The following ZZEF1 variants were observed in gnomAD, a reference collection of about 807,000 sequenced individuals.
The protein encoded by ZZEF1 is zinc finger ZZ-type and EF-hand domain containing 1.
A neutral mutation model predicts 342.8 loss-of-function variants in ZZEF1; 157 were observed. That is an observed-to-expected ratio of 0.46 (90% CI 0.40 to 0.52). The LOEUF is 0.52. ZZEF1 is among the 20% of genes least tolerant of loss of function. The pLI, the probability that ZZEF1 is intolerant of heterozygous loss-of-function variation, is 0.00. For synonymous variants in ZZEF1, 1,505 were observed against 1,429.1 expected (o/e 1.05, Z -1.20); for missense variants, 3,480 against 3,725.6 (o/e 0.93, Z 1.72).
intron 16 of ZZEF1, 30 bp downstream of exon 16, chr17:4,085,639 AC>A (rs1429946018): frequency 1.9e-6 from 3 of 1,612,030 alleles, no homozygotes. Flanking sequence ...CAGACTTCAG[AC>A]ATTGAATCCA....
intron 11 of ZZEF1, among the ~76,000 whole-genome samples, chr17:4,091,208 C>T (rs1311604779): frequency 6.6e-6 from 1 of 152,148 alleles, no homozygotes; most frequent in Non-Finnish European, 1.5e-5. Flanking sequence ...GTTTTCTTTC[C>T]CTAGGTCTGG....
intron 11 of ZZEF1, among the ~76,000 whole-genome samples, chr17:4,092,369 G>GCTCA (rs2057962096): frequency 6.9e-6 from 1 of 145,204 alleles, no homozygotes; most frequent in Non-Finnish European, 1.5e-5. Context: ...CACAATCTTG[G>GCTCA]CTCACTGCAA....
rs1207589073 is a variant in ZZEF1, at chr17:4,085,773, G to T, written c.2543C>A (p.Pro848His). The change falls in exon 16 of 55, where the codon CCC (proline) becomes CAC (histidine). Residue 848 changes from proline (P) to histidine (H), a missense_variant. Physicochemically the swap from Pro to His is moderately conservative, Grantham distance 77. This residue lies in a region of ZZEF1 where 1,528 missense variants were observed against 1,624.1 expected (regional missense o/e 0.94). Coordinates refer to ENST00000381638, the MANE Select transcript of ZZEF1 (RefSeq NM_015113.4). The stretch of plus-strand genomic sequence containing the variant: ...GACTTCTTGTTTTAGTATCTCCATG[G>T]GCACAGAGTCTCCATCCACCTTGTC... ...VVDKVDGDSV[P>H]MEILKQEVRN... 1.2e-6 allele frequency: 2 copies of T among 1,614,018 alleles called. No individual in the cohort carries two copies. The highest frequency in any genetic ancestry group is 1.7e-6 in the Non-Finnish European group (2 of 1,179,978).
chr17:4,124,609 A>ATTTTTTTTT (rs34282931), intron 1 of ZZEF1, among the ~76,000 whole-genome samples: 3 of 126,790 alleles, frequency 2.4e-5, no homozygotes, highest in Non-Finnish European at 3.4e-5. Context: ...CGCCAAGCTG[A>ATTTTTTTTT]TTTTTTTTTT....
chr17:4,042,393 C>T (rs2056821537), intron 39 of ZZEF1, 36 bp downstream of exon 39: 1 of 1,594,530 alleles, frequency 6.3e-7, no homozygotes, highest in Non-Finnish European at 8.5e-7. Flanking sequence ...TCTATGCATA[C>T]CACCACCCCC....
intron 1 of ZZEF1, among the ~76,000 whole-genome samples, chr17:4,137,181 G>A (rs371037696): frequency 9.9e-5 from 15 of 152,122 alleles, no homozygotes; most frequent in Admixed American, 2.6e-4. Context: ...TGGTGAGGTG[G>A]TATTTTGGAA....
At chr17:4,087,740 T>A (rs921149132) in intron 13 of ZZEF1, among the ~76,000 whole-genome samples, 2 of 151,770 alleles carry the variant, frequency 1.3e-5, no homozygotes, top group Non-Finnish European at 2.9e-5. Context: ...ATGTGTGTGT[T>A]ATATGTATGT....
Position 4,042,454 on chromosome 17 carries a change from G to T in ZZEF1, c.6281C>A (p.Ala2094Glu). Residue 2094 changes from alanine (A) to glutamate (E), a missense_variant, in exon 39 of 55, where the codon GCA becomes GAA. Physicochemically the swap from Ala to Glu is moderately radical, Grantham distance 107. This residue lies in a region of ZZEF1 where 1,269 missense variants were observed against 1,342.4 expected (regional missense o/e 0.95). Coordinates refer to ENST00000381638, the MANE Select transcript of ZZEF1 (RefSeq NM_015113.4). Reference protein sequence around the residue: ...CSQKRILGLLAAMLPPLKSGP... With the variant: ...CSQKRILGLLEAMLPPLKSGP... ...CGACTTTAAGGGAGGTAACATGGCT[G>T]CTAGTAATCCCAAAATCCTCTTCTG... 6.2e-7 allele frequency: 1 copy of T among 1,613,510 alleles called. No individual in the cohort carries two copies. Among genetic ancestry groups the T allele is most frequent in the Non-Finnish European group, 8.5e-7 (1 of 1,179,856 alleles).
intron 6 of ZZEF1, 45 bp from the exon 7 acceptor site, chr17:4,105,854 G>GA: frequency 6.8e-7 from 1 of 1,475,886 alleles, no homozygotes; most frequent in Non-Finnish European, 9.3e-7. Flanking sequence ...AAACCAGACC[G>GA]AATTTAGACA....
intron 1 of ZZEF1, among the ~76,000 whole-genome samples, chr17:4,141,708 A>G (rs2058852543): frequency 1.3e-5 from 1 of 79,606 alleles, no homozygotes; most frequent in Non-Finnish European, 2.8e-5. Context: ...TTAAAATAAA[A>G]GTTGAAAGAA....
chr17:4,137,385 C>T (rs527968827), intron 1 of ZZEF1, among the ~76,000 whole-genome samples: 1,932 of 152,216 alleles, frequency 0.013, 45 homozygotes, highest in African/African-American at 0.044. Context: ...CCGAGGTGGG[C>T]GGATCACAAG....
chr17:4,007,606 C>T (rs1181060742), intron 54 of ZZEF1, among the ~76,000 whole-genome samples: 1 of 152,150 alleles, frequency 6.6e-6, no homozygotes, highest in Non-Finnish European at 1.5e-5. Flanking sequence ...GCTTTGGGGC[C>T]AGGACGGGCA....
chr17:4,084,090 C>T (rs547875195), intron 16 of ZZEF1, among the ~76,000 whole-genome samples: 33 of 152,286 alleles, frequency 2.2e-4, no homozygotes, highest in Admixed American at 1.7e-3. Flanking sequence ...AGAGAAGCAA[C>T]GACAGTAAGC....
At chr17:4,030,474 A>G (rs934545337) in intron 42 of ZZEF1, among the ~76,000 whole-genome samples, 2 of 152,256 alleles carry the variant, frequency 1.3e-5, no homozygotes, top group East Asian at 1.9e-4. Context: ...CTGTCTGGTT[A>G]AGGTATTGTC....
At chr17:4,084,985 A>C (rs934607979) in intron 16 of ZZEF1, among the ~76,000 whole-genome samples, 1 of 152,008 alleles carries the variant, frequency 6.6e-6, no homozygotes, top group Non-Finnish European at 1.5e-5. Context: ...GGTGGCATGC[A>C]CCAGTAGTCC....
chr17:4,063,047 T>A (rs550556075), intron 29 of ZZEF1, 130 bp from the exon 30 acceptor site: 2 of 899,040 alleles, frequency 2.2e-6, no homozygotes, highest in African/African-American at 3.4e-5. Flanking sequence ...AGAAACACCA[T>A]GTAGGAGAAG....
At position 4,083,843 on chromosome 17, in the gene ZZEF1, C is replaced by A. The variant is rs575096651; in HGVS notation, c.2647-1339G>T. Among the ~76,000 whole-genome samples the A allele has an allele frequency of 1.8e-4, 28 of 152,226 alleles. No individual in the cohort carries two copies. The South Asian group carries it at 5.8e-3, about 32-fold the overall frequency. ...TATAGGCCTTTGTGCATCCCATAGA[C>A]CACTTTTCTTATGTCTGCTCATTGG... On this transcript the variant is annotated intron_variant, in intron 16 of 54. Coordinates refer to ENST00000381638, the MANE Select transcript of ZZEF1 (RefSeq NM_015113.4).
At chr17:4,092,005 G>T (rs919546068) in intron 11 of ZZEF1, among the ~76,000 whole-genome samples, 12 of 151,812 alleles carry the variant, frequency 7.9e-5, no homozygotes, top group African/African-American at 2.7e-4. Context: ...GAACCCAGGA[G>T]GCGGAGGTTG....
At chr17:4,092,037 C>CTGCA (rs2057952699) in intron 11 of ZZEF1, among the ~76,000 whole-genome samples, 1 of 147,940 alleles carries the variant, frequency 6.8e-6, no homozygotes, top group Non-Finnish European at 1.5e-5. Context: ...GATCGTGCCA[C>CTGCA]TGCACTCCAG....
Sources: gnomAD v4.1 joint callset for allele counts (sites outside exome capture counted in the v4.1 genomes callset) on GRCh38, gnomAD v4.1.1 for gene constraint, gnomAD v4.1.1 regional missense constraint, MANE v1.5 for transcripts, NCBI Gene and HGNC (gene_info 2026-07-23, HGNC 2026-07-21) for gene names.